BAHCC1: variants seen among roughly 807,000 people sequenced by gnomAD.
BAHCC1 encodes BAH domain and coiled-coil containing 1.
Under a neutral mutation model 88.2 loss-of-function variants are expected in BAHCC1, and 43 were observed. That is an observed-to-expected ratio of 0.49 (90% confidence interval 0.38 to 0.63). The LOEUF (loss-of-function observed/expected upper bound fraction) is 0.63. BAHCC1 is among the 20% of genes least tolerant of loss of function. The pLI is 0.00. For missense variants in BAHCC1, 3,023 were observed against 1,654.8 expected (o/e 1.83, Z -14.34); for synonymous variants, 1,510 against 745.5 (o/e 2.03, Z -16.71).
intron 12 of BAHCC1, 46 bp from the exon 13 acceptor site, chr17:81,451,925 C>T (rs955764689): frequency 9.3e-6 from 6 of 645,656 alleles, no homozygotes; most frequent in Non-Finnish European, 1.7e-5. Context: ...AGAGCCCCAG[C>T]CTGGGCCCTG....
At chr17:81,433,379 G>A (rs189331320) in intron 3 of BAHCC1, among the ~76,000 whole-genome samples, 1 of 152,294 alleles carries the variant, frequency 6.6e-6, no homozygotes, top group East Asian at 1.9e-4. Flanking sequence ...GGCCCTTCCG[G>A]CCCTAGAGTG....
At chr17:81,413,214 G>A in intron 2 of BAHCC1, 2 of 298,936 alleles carry the variant, frequency 6.7e-6, no homozygotes, top group Non-Finnish European at 1.3e-5. Context: ...TGCTGACCAT[G>A]CCCCCCCCGG....
intron 2 of BAHCC1, among the ~76,000 whole-genome samples, chr17:81,418,813 G>GCA (rs1484475920): frequency 7.1e-6 from 1 of 140,272 alleles, no homozygotes; most frequent in Non-Finnish European, 1.5e-5. Context: ...GTGTGTACGT[G>GCA]TGTGTGTGTG....
rs782779018 is a variant in BAHCC1, at chr17:81,442,332, C to T, written c.983C>T (p.Pro328Leu). 15 of 687,384 alleles carry T rather than the reference C, an allele frequency of 2.2e-5. No homozygotes were observed. Among genetic ancestry groups the T allele is most frequent in the Admixed American group, 1.5e-4 (7 of 46,642 alleles). 42.6% of individuals were successfully genotyped at this position (687,384 alleles called of 1,614,324 possible). ...GRCAKEAAGP[P>L]EPGPAFSECL... ...TGTGCAAAGGAGGCAGCAGGCCCCC[C>T]GGAGCCCGGGCCGGCCTTCAGCGAG... The change falls in exon 5 of 28, where the codon CCG (proline) becomes CTG (leucine). Residue 328 changes from proline to leucine, a missense_variant. Physicochemically the swap from Pro to Leu is moderately conservative, Grantham distance 98 (BLOSUM62 -3). Coordinates refer to ENST00000675386, the MANE Select transcript of BAHCC1 (RefSeq NM_001377448.1).
intron 15 of BAHCC1, 92 bp downstream of exon 15, chr17:81,455,482 C>G (rs1202924011): frequency 4.6e-6 from 3 of 655,120 alleles, no homozygotes; most frequent in East Asian, 2.7e-5. Context: ...AGCCCTGTGC[C>G]GAAACCCATT....
At position 81,418,533 on chromosome 17, in the gene BAHCC1, C is replaced by T. The variant is rs190433881; in HGVS notation, c.179-8267C>T. Among the ~76,000 whole-genome samples the T allele has an allele frequency of 3.6e-3, 544 of 152,208 alleles. 6 individuals carry two copies. The highest frequency in any genetic ancestry group is 0.012 in the African/African-American group (516 of 41,504). ...AGGCCCCCCTCTACCACCAGTGGGC[C>T]GGGACATGCCCCGACCCAGGGCAGC... On this transcript the variant is annotated intron_variant, in intron 2 of 27. Coordinates refer to ENST00000675386, the MANE Select transcript of BAHCC1 (RefSeq NM_001377448.1).
intron 14 of BAHCC1, 142 bp downstream of exon 14, chr17:81,452,993 TC>T (rs2064672753): frequency 3.5e-6 from 2 of 566,076 alleles, no homozygotes; most frequent in African/African-American, 4.0e-5. Flanking sequence ...GCCCTGCCCT[TC>T]CTAGACCATC....
At chr17:81,438,030 C>T (rs1020202282) in intron 3 of BAHCC1, among the ~76,000 whole-genome samples, 1 of 152,350 alleles carries the variant, frequency 6.6e-6, no homozygotes, top group Non-Finnish European at 1.5e-5. Context: ...ACCGTGCCCC[C>T]TCCTCCCACA....
At chr17:81,449,108 G>GA (rs1555655218) in intron 11 of BAHCC1, among the ~76,000 whole-genome samples, 22 of 152,314 alleles carry the variant, frequency 1.4e-4, no homozygotes, top group African/African-American at 4.1e-4. Context: ...CCCGTTCACT[G>GA]CATGAATACT....
intron 11 of BAHCC1, among the ~76,000 whole-genome samples, chr17:81,449,878 G>A (rs1420585272): frequency 2.0e-5 from 3 of 152,166 alleles, no homozygotes; most frequent in African/African-American, 7.2e-5. Flanking sequence ...TGGCCCCCTG[G>A]CCCTCCCCAT....
chr17:81,404,524 G>C (rs2063856608), intron 2 of BAHCC1, among the ~76,000 whole-genome samples: 1 of 152,212 alleles, frequency 6.6e-6, no homozygotes, highest in African/African-American at 2.4e-5. Flanking sequence ...GCAGGGCCTG[G>C]GTGCAAGGGC....
Position 81,461,662 on chromosome 17 carries a change from C to A in BAHCC1, c.6999C>A (p.Ser2333=). 1.4e-6 allele frequency: 1 copy of A among 731,566 alleles called. No individual in the cohort carries two copies. The allele number at this position is 731,566 out of a possible 1,614,324, so 45.3% of individuals were successfully genotyped here. The change falls in exon 26 of 28, where the codon TCC becomes TCA. Residue 2333 remains serine (S), a synonymous_variant. Coordinates refer to ENST00000675386, the MANE Select transcript of BAHCC1 (RefSeq NM_001377448.1). Reference sequence around the variant, plus strand: ...CCTCCTCCTCCTCAGGCTCCGTGTCCACCTCCAGCCTCTGCTCCTCCGACA... The same window carrying A: ...CCTCCTCCTCCTCAGGCTCCGTGTCAACCTCCAGCCTCTGCTCCTCCGACA... ...SSTSSSSGSV[S]TSSLCSSDNE... is the part of the protein sequence containing the mutation.
In BAHCC1 at chr17:81,458,621, C is replaced by T. The variant is rs999370953; in HGVS notation, c.5344C>T (p.Arg1782Trp). 5.6e-6 allele frequency: 4 copies of T among 715,992 alleles called. No homozygotes were observed. The highest frequency in any genetic ancestry group is 2.0e-5 in the Admixed American group (1 of 49,988). 44.4% of individuals were successfully genotyped at this position (715,992 alleles called of 1,614,324 possible). ...KGTVLQPVLR[R>W]KNGALSITLA... The stretch of plus-strand genomic sequence containing the variant: ...CCCTTCTCTGCCTGCCCACGCGCAG[C>T]GGAAGAACGGGGCCCTGTCCATCAC... Residue 1782 changes from arginine (R) to tryptophan (W), a missense_variant and splice_region_variant, in exon 19 of 28, where the codon CGG (arginine) becomes TGG (tryptophan). Transcript: ENST00000675386.
At chr17:81,429,001 C>T (rs894009327) in intron 3 of BAHCC1, among the ~76,000 whole-genome samples, 5 of 152,322 alleles carry the variant, frequency 3.3e-5, no homozygotes, top group Non-Finnish European at 7.4e-5. Flanking sequence ...TGGCCTGAGC[C>T]GGAGGAGAGG....
chr17:81,423,876 G>T (rs2064143516), intron 2 of BAHCC1, among the ~76,000 whole-genome samples: 2 of 152,220 alleles, frequency 1.3e-5, no homozygotes, highest in South Asian at 4.1e-4. Context: ...AGCTGGGCTG[G>T]GCGGGGCCTG....
chr17:81,453,278 C>T (rs1331229267), intron 14 of BAHCC1, among the ~76,000 whole-genome samples: 7 of 152,246 alleles, frequency 4.6e-5, no homozygotes, highest in East Asian at 3.8e-4. Context: ...ATCCATTACC[C>T]GCCCGGCGCA....
chr17:81,426,008 GGGTGATGGTGGGTGATGTGGTTGGT>G (rs2064189929), intron 2 of BAHCC1, among the ~76,000 whole-genome samples: 2 of 111,434 alleles, frequency 1.8e-5, no homozygotes, highest in Non-Finnish European at 3.7e-5. Flanking sequence ...ATGTGGTTGG[GGGTGATGGTGGGTGATGTGGTTGGT>G]GGTGATGTGG....
intron 13 of BAHCC1, 147 bp downstream of exon 13, chr17:81,452,254 G>GC: frequency 2.1e-6 from 1 of 486,050 alleles, no homozygotes; most frequent in Non-Finnish European, 3.6e-6. Context: ...CATCGGGGAG[G>GC]CCCCCCAGAG....
In BAHCC1 at chr17:81,438,370, C is replaced by A. The variant is rs782274700; in HGVS notation, c.359C>A (p.Ala120Asp). The change falls in exon 4 of 28, where the codon GCT (alanine) becomes GAT (aspartate). Residue 120 changes from alanine to aspartate, a missense_variant and splice_region_variant. Coordinates refer to ENST00000675386, the MANE Select transcript of BAHCC1 (RefSeq NM_001377448.1). Reference sequence around the variant, plus strand: ...GCAACTGGGTCTCTTGCTTCTCTAGCTCCGGGGTACCCCAGATTTTCGGGG... The same window carrying A: ...GCAACTGGGTCTCTTGCTTCTCTAGATCCGGGGTACCCCAGATTTTCGGGG... ...SQIWFSHSHE[A>D]PGYPRFSGSL... The A allele has an allele frequency of 2.6e-6, 2 of 778,636 alleles. No individual in the cohort carries two copies. Among genetic ancestry groups the A allele is most frequent in the Admixed American group, 3.4e-5 (2 of 58,880 alleles). The allele number at this position is 778,636 out of a possible 1,614,324, so 48.2% of individuals were successfully genotyped here. A position where few individuals can be genotyped will look rare whatever the true frequency, so the allele number is the denominator to read the frequency against.
Sources: gnomAD v4.1 joint callset for allele counts (sites outside exome capture counted in the v4.1 genomes callset) on GRCh38, gnomAD v4.1.1 for gene constraint, MANE v1.5 for transcripts, NCBI Gene and HGNC (gene_info 2026-07-23, HGNC 2026-07-21) for gene names.